The following ZDHHC3 variants were observed in gnomAD, a reference collection of about 807,000 sequenced individuals.
ZDHHC3 encodes the protein zDHHC palmitoyltransferase 3.
In ZDHHC3, 9 loss-of-function variants were observed where a neutral mutation model predicts 30.6. That is an observed-to-expected ratio of 0.29 (90% confidence interval 0.18 to 0.51). The LOEUF is 0.51. Ranked by LOEUF, ZDHHC3 falls within the 20% of genes least tolerant of loss-of-function variation. ZDHHC3 has a pLI of 0.97. For synonymous variants in ZDHHC3, 136 were observed against 140.2 expected, an observed-to-expected ratio of 0.97 and a Z score of 0.21; for missense variants, 246 against 384.2, an observed-to-expected ratio of 0.64 and a Z score of 3.01.
intron 1 of ZDHHC3, among the ~76,000 whole-genome samples, chr3:44,972,875 T>C (rs919272965): frequency 3.9e-5 from 6 of 152,210 alleles, no homozygotes; most frequent in African/African-American, 1.4e-4. Flanking sequence ...CTGGAGTTTC[T>C]AGATATCTGA....
chr3:44,959,055 A>G lies in ZDHHC3; in HGVS notation c.306+76T>C. 3.2e-6 allele frequency: 5 copies of G among 1,546,416 alleles called. No individual in the cohort carries two copies. The highest frequency in any genetic ancestry group is 4.4e-6 in the Non-Finnish European group (5 of 1,132,106). ...CTCCAAGTTCCCAAGGTCCAGGGGGAACATGCAGGCTGTGGCCATGCCAGA... is the reference window on the plus strand; with the variant it reads ...CTCCAAGTTCCCAAGGTCCAGGGGGGACATGCAGGCTGTGGCCATGCCAGA... On this transcript the variant is annotated intron_variant, in intron 2 of 6. Transcript: ENST00000424952. The surrounding 1 kb of genome is among the most constrained non-coding windows in gnomAD (Gnocchi z 4.3).
At chr3:44,975,772 TCACACACACA>T (rs1185484134) in intron 1 of ZDHHC3, among the ~76,000 whole-genome samples, 151 bp downstream of exon 1, 9 of 116,704 alleles carry the variant, frequency 7.7e-5, no homozygotes, top group African/African-American at 1.0e-4. Context: ...TCTCTCTCTC[TCACACACACA>T]CACACACACA....
In ZDHHC3 at chr3:44,959,605, A is replaced by G; in HGVS notation, c.-24-145T>C. On this transcript the variant is annotated intron_variant, in intron 1 of 6. Transcript: ENST00000424952. This position sits in a 1 kb window ranked among gnomAD's most constrained non-coding sequence, Gnocchi z 4.3. ...CCTAATCACCTTGTTCATTTAAAAC[A>G]TGAGTTCTCTTCCCTGATTCTGAGA... 1.5e-6 allele frequency: 1 copy of G among 664,782 alleles called. No homozygotes were observed. Among genetic ancestry groups the G allele is most frequent in the Non-Finnish European group, 2.5e-6 (1 of 395,384 alleles). The allele number at this position is 664,782 out of a possible 1,614,324, so 41.2% of individuals were successfully genotyped here.
rs1165507624 is a variant in ZDHHC3 at position 44,921,730 on chromosome 3, AAAG to A, written c.*4956_*4958del. ...TTTTCAGATGAAAAAACTGAGGCTT[AAAG>A]AAGTTACTGCTCAAGGTCATATTTT... On this transcript the variant is annotated 3_prime_UTR_variant, in exon 7 of 7. Transcript: ENST00000424952. The A allele has an allele frequency of 1.0e-6, 1 of 961,430 alleles. No homozygotes were observed. Among genetic ancestry groups the A allele is most frequent in the African/African-American group, 1.8e-5 (1 of 56,638 alleles). 59.6% of individuals were successfully genotyped at this position (961,430 alleles called of 1,614,324 possible).
At chr3:44,975,663 C>T (rs1474138865) in intron 1 of ZDHHC3, among the ~76,000 whole-genome samples, 1 of 151,848 alleles carries the variant, frequency 6.6e-6, no homozygotes, top group African/African-American at 2.4e-5. Flanking sequence ...TCCAGCCATC[C>T]TAGGGACTAG....
intron 1 of ZDHHC3, among the ~76,000 whole-genome samples, chr3:44,964,763 T>C (rs1328035046): frequency 6.6e-6 from 1 of 152,214 alleles, no homozygotes; most frequent in Non-Finnish European, 1.5e-5. Flanking sequence ...TCTAAGTGGC[T>C]AATAGTTTTC....
Position 44,920,317 on chromosome 3 carries a change from T to C in ZDHHC3, c.*6372A>G, listed in dbSNP as rs1454467559. On this transcript the variant is annotated 3_prime_UTR_variant, in exon 7 of 7. Coordinates refer to ENST00000424952, the MANE Select transcript of ZDHHC3 (RefSeq NM_001135179.2). ...TTGCTTTGGGCATTCTGCATTCTCT[T>C]CCTGGGTGATCATCTGCAGCCTGTT... 5.4e-6 allele frequency: 7 copies of C among 1,289,720 alleles called. No homozygotes were observed. The African/African-American group carries it at 1.1e-4, about 20-fold the overall frequency. The allele number at this position is 1,289,720 out of a possible 1,614,324, so 79.9% of individuals were successfully genotyped here. A position where few individuals can be genotyped will look rare whatever the true frequency, so the allele number is the denominator to read the frequency against.
intron 2 of ZDHHC3, chr3:44,958,482 G>A (rs751627109): frequency 1.5e-4 from 137 of 935,962 alleles, no homozygotes; most frequent in Non-Finnish European, 2.2e-4. Flanking sequence ...ACAGAACAGA[G>A]GGTTTAATAC....
chr3:44,933,857 G>C (rs774169101), intron 4 of ZDHHC3, 31 bp downstream of exon 4: 248 of 1,595,988 alleles, frequency 1.6e-4, no homozygotes, highest in Non-Finnish European at 1.8e-4. Flanking sequence ...TGCTTCATGG[G>C]GGGCAGGGCA....
Position 44,916,320 on chromosome 3 carries a change from C to T in ZDHHC3, c.*10369G>A, listed in dbSNP as rs1559627502. The T allele has an allele frequency of 6.6e-6, 1 of 152,260 alleles. No homozygotes were observed. Among genetic ancestry groups the T allele is most frequent in the Non-Finnish European group, 1.5e-5 (1 of 68,050 alleles). The allele number at this position is 152,260 out of a possible 1,614,324, so 9.4% of individuals were successfully genotyped here. On this transcript the variant is annotated 3_prime_UTR_variant, in exon 7 of 7. Transcript: ENST00000424952. ...GACGGTCTCTGGCAGGATCGTTGCC[C>T]TTCACAGAGTGTCCAAAGATGCTGT... is the stretch of plus-strand genomic sequence containing the variant.
In ZDHHC3 at chr3:44,921,871, A is replaced by G. The variant is rs1294832276; in HGVS notation, c.*4818T>C. ...GGCCTCAGCTGCAGAAATTCAGGGC[A>G]TCCTTATGTCCGTGTTAGAGCATGT... On this transcript the variant is annotated 3_prime_UTR_variant, in exon 7 of 7. Coordinates refer to ENST00000424952, the MANE Select transcript of ZDHHC3 (RefSeq NM_001135179.2). 1 of 985,080 alleles carries G rather than the reference A, an allele frequency of 1.0e-6. No individual in the cohort carries two copies. The highest frequency in any genetic ancestry group is 6.2e-5 in the Admixed American group (1 of 16,260). The allele number at this position is 985,080 out of a possible 1,614,324, so 61.0% of individuals were successfully genotyped here.
At chr3:44,941,463 A>G (rs1016338800) in intron 3 of ZDHHC3, among the ~76,000 whole-genome samples, 1 of 152,192 alleles carries the variant, frequency 6.6e-6, no homozygotes, top group African/African-American at 2.4e-5. Flanking sequence ...AAATGTATGC[A>G]AAATGCTTTA....
chr3:44,953,261 G>A (rs1390183263), intron 2 of ZDHHC3, among the ~76,000 whole-genome samples: 1 of 152,142 alleles, frequency 6.6e-6, no homozygotes, highest in Non-Finnish European at 1.5e-5. Context: ...ACTATCAGAA[G>A]ACAAACATAT....
At chr3:44,957,113 C>T (rs527245195) in intron 2 of ZDHHC3, among the ~76,000 whole-genome samples, 1 of 152,306 alleles carries the variant, frequency 6.6e-6, no homozygotes, top group African/African-American at 2.4e-5. Flanking sequence ...AAAGGCACCA[C>T]CTCAGAGATG....
At chr3:44,934,571 CAAAA>C (rs55841069) in intron 3 of ZDHHC3, among the ~76,000 whole-genome samples, 9 of 95,576 alleles carry the variant, frequency 9.4e-5, no homozygotes, top group Admixed American at 2.2e-4. Flanking sequence ...TCCATTTAGC[CAAAA>C]AAAAAAAAAA....
chr3:44,926,086 G>A lies in ZDHHC3; in HGVS notation c.*603C>T, dbSNP rs915669505. 16 of 985,692 alleles carry A rather than the reference G, an allele frequency of 1.6e-5. No individual in the cohort carries two copies. In the African/African-American group the frequency reaches 2.4e-4, roughly 15 times the overall value. 61.1% of individuals were successfully genotyped at this position (985,692 alleles called of 1,614,324 possible). A position where few individuals can be genotyped will look rare whatever the true frequency, so the allele number is the denominator to read the frequency against. ...CGCAAAATCATTCTACACACCCCAA[G>A]CCCATAAAGTACAAGGCAGGCAATT... On this transcript the variant is annotated 3_prime_UTR_variant, in exon 7 of 7. Coordinates refer to ENST00000424952, the MANE Select transcript of ZDHHC3 (RefSeq NM_001135179.2).
Position 44,923,364 on chromosome 3 carries a change from T to A in ZDHHC3, c.*3325A>T. 1.0e-6 allele frequency: 1 copy of A among 985,378 alleles called. No individual in the cohort carries two copies. 61.0% of individuals were successfully genotyped at this position (985,378 alleles called of 1,614,324 possible). A position where few individuals can be genotyped will look rare whatever the true frequency, so the allele number is the denominator to read the frequency against. ...GTGCTGGGATTACAGGCGTGAGGGA[T>A]GTCCACAGTGAGAAGTGTCCGCGCC... On this transcript the variant is annotated 3_prime_UTR_variant, in exon 7 of 7. Transcript: ENST00000424952.
intron 1 of ZDHHC3, 141 bp downstream of exon 1, chr3:44,975,792 A>G: frequency 6.2e-6 from 1 of 160,184 alleles, no homozygotes; most frequent in Non-Finnish European, 1.3e-5. Context: ...ACACACACAC[A>G]CACACACACA....
rs1048109858 is a variant in ZDHHC3 at position 44,917,153 on chromosome 3, T to C, written c.*9536A>G. On this transcript the variant is annotated 3_prime_UTR_variant, in exon 7 of 7. Coordinates refer to ENST00000424952, the MANE Select transcript of ZDHHC3 (RefSeq NM_001135179.2). ...GACAGCTCCCAGCTGTCTCGCTCAG[T>C]GAAGACTCCAGTGTCTGTGGAATGG... 6.6e-6 allele frequency: 1 copy of C among 152,424 alleles called. No individual in the cohort carries two copies. Among genetic ancestry groups the C allele is most frequent in the Non-Finnish European group, 1.5e-5 (1 of 68,234 alleles). 9.4% of individuals were successfully genotyped at this position (152,424 alleles called of 1,614,324 possible).
Sources: gnomAD v4.1 joint callset for allele counts (sites outside exome capture counted in the v4.1 genomes callset) on GRCh38, gnomAD v4.1.1 for gene constraint, Gnocchi (gnomAD v3.1) non-coding constraint, MANE v1.5 for transcripts, NCBI Gene and HGNC (gene_info 2026-07-23, HGNC 2026-07-21) for gene names.